The following ERC2 variants were observed in gnomAD, a reference collection of about 807,000 sequenced individuals.
ERC2 encodes ELKS/RAB6-interacting/CAST family member 2, also known as ERC protein 2.
ERC2 carries 42 observed loss-of-function variants against 114.8 expected under a neutral mutation model. The ratio of observed to expected loss-of-function variants is 0.37; its 90% confidence interval spans 0.29 to 0.47. The LOEUF is 0.47. Among genes scored for constraint, ERC2 ranks in the 20% least tolerant of loss-of-function variants. The probability of loss-of-function intolerance (pLI) is 0.99; values close to 1 mark genes in which losing one functional copy is unlikely to be tolerated. For missense variants in ERC2, 939 were observed against 1,150.7 expected (o/e 0.82, Z 2.66); for synonymous variants, 454 against 425.5 (o/e 1.07, Z -0.82).
At chr3:55,837,960 T>A (rs183586988) in intron 14 of ERC2, among the ~76,000 whole-genome samples, 3 of 132,820 alleles carry the variant, frequency 2.3e-5, no homozygotes, top group Admixed American at 2.2e-4. Context: ...ACAAACAGTA[T>A]TACCAGGAAT....
At chr3:56,449,214 C>T (rs1005002341) in intron 1 of ERC2, among the ~76,000 whole-genome samples, 11 of 152,102 alleles carry the variant, frequency 7.2e-5, no homozygotes, top group Admixed American at 2.0e-4. Context: ...GGCTTACCCC[C>T]AAGAAGATGT....
intron 13 of ERC2, among the ~76,000 whole-genome samples, chr3:55,931,097 AAAC>A (rs1472326045): frequency 1.3e-5 from 2 of 152,202 alleles, no homozygotes; most frequent in African/African-American, 4.8e-5. Context: ...AAAAGTCAGG[AAAC>A]AACAGATGCT....
intron 7 of ERC2, among the ~76,000 whole-genome samples, chr3:56,055,195 A>G (rs926188533): frequency 2.6e-5 from 4 of 152,226 alleles, no homozygotes; most frequent in African/African-American, 7.2e-5. Context: ...AGAGAATGCC[A>G]TACAGCTTTT....
intron 4 of ERC2, among the ~76,000 whole-genome samples, chr3:56,170,592 T>TTTG (rs1553861368): frequency 4.7e-5 from 1 of 21,254 alleles, no homozygotes; most frequent in African/African-American, 8.6e-5. Flanking sequence ...TCTGTTTTTT[T>TTTG]TTTTTTTTTT....
At chr3:56,102,931 C>T (rs530389781) in intron 6 of ERC2, among the ~76,000 whole-genome samples, 34 of 152,128 alleles carry the variant, frequency 2.2e-4, no homozygotes, top group Non-Finnish European at 1.0e-4. Context: ...CCAAGTTCCA[C>T]GCTCTGTTGC....
chr3:55,882,464 C>T (rs1231421240), intron 14 of ERC2, among the ~76,000 whole-genome samples: 2 of 152,174 alleles, frequency 1.3e-5, no homozygotes, highest in Non-Finnish European at 2.9e-5. Flanking sequence ...CACATGTATA[C>T]AATTGGACTT....
intron 14 of ERC2, among the ~76,000 whole-genome samples, chr3:55,837,712 C>G (rs1309409986): frequency 6.6e-6 from 1 of 151,864 alleles, no homozygotes; most frequent in Admixed American, 6.6e-5. Flanking sequence ...ATGTAAAAAG[C>G]CTGCACGTTG....
chr3:55,528,363 A>G (rs1384529819), intron 17 of ERC2, among the ~76,000 whole-genome samples: 1 of 152,206 alleles, frequency 6.6e-6, no homozygotes, highest in Non-Finnish European at 1.5e-5. Context: ...TTCTGCCTGC[A>G]CAGACTGCCT....
intron 6 of ERC2, among the ~76,000 whole-genome samples, chr3:56,089,500 A>C (rs892204377): frequency 1.3e-5 from 2 of 152,166 alleles, no homozygotes; most frequent in Non-Finnish European, 2.9e-5. Context: ...TTAATCTATT[A>C]TATCTAAAAT....
In ERC2 at chr3:56,308,129, C is replaced by T. The variant is rs540419137; in HGVS notation, c.658-11694G>A. On this transcript the variant is annotated intron_variant, in intron 2 of 17. Transcript: ENST00000288221. ...ACCACTCACTCATCTGACAATACTG[C>T]TCCAAAGCTGCCAACACTATGTCCA... Among the ~76,000 whole-genome samples the T allele has an allele frequency of 1.2e-4, 19 of 152,282 alleles. No homozygotes were observed. In the South Asian group the frequency reaches 3.9e-3, roughly 32 times the overall value.
intron 8 of ERC2, among the ~76,000 whole-genome samples, chr3:56,011,406 C>G (rs1273945277): frequency 6.6e-6 from 1 of 152,038 alleles, no homozygotes; most frequent in African/African-American, 2.4e-5. Context: ...GCAAGGTGGC[C>G]CAGGTCATAA....
At chr3:56,083,382 G>A (rs1229864047) in intron 6 of ERC2, among the ~76,000 whole-genome samples, 2 of 152,174 alleles carry the variant, frequency 1.3e-5, no homozygotes, top group African/African-American at 4.8e-5. Flanking sequence ...GAGAGCAACA[G>A]TTGCCTGGGG....
chr3:56,155,029 A>G (rs1445030460), intron 4 of ERC2, among the ~76,000 whole-genome samples: 1 of 152,206 alleles, frequency 6.6e-6, no homozygotes, highest in East Asian at 1.9e-4. Flanking sequence ...GAGTGGCTAC[A>G]TGGAAGTTTC....
intron 6 of ERC2, among the ~76,000 whole-genome samples, chr3:56,131,849 C>T (rs553128610): frequency 6.6e-6 from 1 of 151,994 alleles, no homozygotes; most frequent in East Asian, 1.9e-4. Context: ...CTAAGGTTCC[C>T]AACACAAAAA....
chr3:56,305,481 C>G (rs899475628), intron 2 of ERC2, among the ~76,000 whole-genome samples: 1 of 149,058 alleles, frequency 6.7e-6, no homozygotes, highest in Non-Finnish European at 1.5e-5. Flanking sequence ...GAAGCCACAA[C>G]AAGAAAGCAT....
intron 17 of ERC2, among the ~76,000 whole-genome samples, chr3:55,574,840 A>T (rs1235601476): frequency 6.6e-6 from 1 of 152,122 alleles, no homozygotes; most frequent in East Asian, 1.9e-4. Flanking sequence ...TGCCCTCCAG[A>T]CACAGGCCAG....
At chr3:55,957,008 T>TA (rs2068004464) in intron 12 of ERC2, among the ~76,000 whole-genome samples, 1 of 151,908 alleles carries the variant, frequency 6.6e-6, no homozygotes, top group South Asian at 2.1e-4. Context: ...CCAACATACT[T>TA]AAAAAAGACA....
intron 17 of ERC2, among the ~76,000 whole-genome samples, chr3:55,652,033 C>T (rs1575948259): frequency 6.6e-6 from 1 of 152,196 alleles, no homozygotes; most frequent in African/African-American, 2.4e-5. Flanking sequence ...ACTGTGCCAC[C>T]ACAGCAATGA....
At chr3:55,727,581 G>A (rs2064999295) in intron 15 of ERC2, among the ~76,000 whole-genome samples, 1 of 152,070 alleles carries the variant, frequency 6.6e-6, no homozygotes, top group Admixed American at 6.5e-5. Context: ...TTCTTTTATT[G>A]TTAAGCACAA....
Sources: allele counts gnomAD v4.1 joint callset (sites outside exome capture counted in the v4.1 genomes callset), GRCh38; gene constraint gnomAD v4.1.1; transcripts MANE v1.5; gene names NCBI Gene and HGNC (gene_info 2026-07-23, HGNC 2026-07-21).